PCDH15: variants seen among roughly 807,000 people sequenced by gnomAD.
PCDH15 encodes protocadherin related 15, also known as protocadherin-15.
PCDH15 carries 129 observed loss-of-function variants against 178.5 expected under a neutral mutation model. The ratio of observed to expected loss-of-function variants is 0.72; its 90% CI spans 0.63 to 0.84. PCDH15 has a LOEUF of 0.84. PCDH15 is among the 40% of genes least tolerant of loss of function. The pLI is 0.00. For missense variants in PCDH15, 2,230 were observed against 2,099.9 expected (o/e 1.06, Z -1.21); for synonymous variants, 800 against 732.0 (o/e 1.09, Z -1.50).
intron 2 of PCDH15, among the ~76,000 whole-genome samples, chr10:55,085,662 T>C (rs1165248862): frequency 6.7e-6 from 1 of 148,330 alleles, no homozygotes; most frequent in African/African-American, 2.5e-5. Flanking sequence ...TATTAAACTG[T>C]TTTTATGCCT....
chr10:54,566,942 G>C (rs2089139419), intron 2 of PCDH15, among the ~76,000 whole-genome samples: 1 of 152,098 alleles, frequency 6.6e-6, no homozygotes. Context: ...TCATTTTGCA[G>C]TCCCCAGCAA....
intron 25 of PCDH15, among the ~76,000 whole-genome samples, chr10:53,912,038 A>C (rs190923872): frequency 1.6e-3 from 237 of 152,334 alleles, no homozygotes; most frequent in African/African-American, 5.5e-3. Flanking sequence ...ATCGATGTGA[A>C]AATCTTCAAT....
intron 18 of PCDH15, among the ~76,000 whole-genome samples, chr10:54,048,527 T>C (rs2093701095): frequency 6.6e-6 from 1 of 152,200 alleles, no homozygotes; most frequent in South Asian, 2.1e-4. Flanking sequence ...ATTTTTATAG[T>C]TTTGCATCTT....
At chr10:55,545,380 AT>A (rs1179204071) in intron 2 of PCDH15, among the ~76,000 whole-genome samples, 2 of 151,572 alleles carry the variant, frequency 1.3e-5, no homozygotes, top group African/African-American at 4.8e-5. Flanking sequence ...GGTACAAGTG[AT>A]TCTCCTTCCT....
chr10:54,229,840 T>A (rs2053868440), intron 9 of PCDH15, among the ~76,000 whole-genome samples: 1 of 152,170 alleles, frequency 6.6e-6, no homozygotes, highest in Admixed American at 6.5e-5. Context: ...CACACAATCT[T>A]GCCTAAAGTT....
intron 2 of PCDH15, among the ~76,000 whole-genome samples, chr10:55,479,983 G>A (rs189630472): frequency 1.2e-3 from 183 of 151,250 alleles, no homozygotes; most frequent in African/African-American, 4.2e-3. Flanking sequence ...GGTTATTCAG[G>A]CTCTTTTTTG....
chr10:55,218,332 C>T lies in PCDH15; in HGVS notation c.-155-51681G>A, dbSNP rs184338400. On this transcript the variant is annotated intron_variant, in intron 1 of 5. Transcript: ENST00000458638. ...CATTGTATATTAAATACAGTAGCCA[C>T]GAGTTAACGAAATAATAGGAAGCAG... is the stretch of plus-strand genomic sequence containing the variant. Among the ~76,000 whole-genome samples the T allele has an allele frequency of 9.9e-5, 15 of 151,288 alleles. No individual in the cohort carries two copies. The East Asian group carries it at 1.6e-3, about 16-fold the overall frequency.
intron 2 of PCDH15, among the ~76,000 whole-genome samples, chr10:54,941,222 A>G (rs560699859): frequency 6.6e-6 from 1 of 152,094 alleles, no homozygotes; most frequent in Non-Finnish European, 1.5e-5. Flanking sequence ...CTTATTTTAA[A>G]CTACTTCACC....
intron 2 of PCDH15, among the ~76,000 whole-genome samples, chr10:55,565,252 TG>T (rs1842278794): frequency 6.6e-6 from 1 of 151,588 alleles, no homozygotes; most frequent in Non-Finnish European, 1.5e-5. Context: ...AATTACCAAT[TG>T]ATCAAAGAAG....
intron 13 of PCDH15, among the ~76,000 whole-genome samples, chr10:54,157,139 T>C (rs1435935789): frequency 1.3e-5 from 2 of 152,154 alleles, no homozygotes; most frequent in East Asian, 3.9e-4. Context: ...TGGAGGACAG[T>C]GGCACTCTTC....
chr10:54,857,125 G>T (rs556436359), intron 3 of PCDH15, among the ~76,000 whole-genome samples: 1 of 152,202 alleles, frequency 6.6e-6, no homozygotes, highest in Admixed American at 6.5e-5. Context: ...AATACTGTGG[G>T]TTTAGTGGAC....
intron 3 of PCDH15, among the ~76,000 whole-genome samples, chr10:54,878,821 T>C (rs1355278570): frequency 6.6e-6 from 1 of 151,968 alleles, no homozygotes; most frequent in Admixed American, 6.6e-5. Context: ...ATGCTCTCCC[T>C]CCCCCTACCC....
intron 1 of PCDH15, among the ~76,000 whole-genome samples, chr10:54,723,085 C>G: frequency 6.6e-6 from 1 of 151,328 alleles, no homozygotes; most frequent in East Asian, 1.9e-4. Context: ...CCCAAATAGC[C>G]AAAGCAATCC....
chr10:54,374,457 AATT>A (rs1948117670), intron 4 of PCDH15, among the ~76,000 whole-genome samples: 1 of 152,060 alleles, frequency 6.6e-6, no homozygotes, highest in Admixed American at 6.6e-5. Context: ...TTATTATTTT[AATT>A]ATTGATATTG....
chr10:55,421,488 A>T (rs984017331), intron 2 of PCDH15, among the ~76,000 whole-genome samples: 1 of 149,840 alleles, frequency 6.7e-6, no homozygotes, highest in South Asian at 2.1e-4. Flanking sequence ...TCATAGCTAA[A>T]AGAGAAAATC....
At chr10:54,550,335 T>C (rs1565572204) in intron 2 of PCDH15, among the ~76,000 whole-genome samples, 1 of 152,188 alleles carries the variant, frequency 6.6e-6, no homozygotes, top group Non-Finnish European at 1.5e-5. Flanking sequence ...AAAAATAGTA[T>C]TTGCAAATAT....
chr10:55,041,013 A>G (rs11004700), intron 2 of PCDH15, among the ~76,000 whole-genome samples: 11,563 of 152,108 alleles, frequency 0.076, 696 homozygotes, highest in African/African-American at 0.16. Context: ...AATTATTACA[A>G]GATAAATATT....
intron 2 of PCDH15, among the ~76,000 whole-genome samples, chr10:54,583,016 A>G (rs962385266): frequency 1.2e-4 from 15 of 125,346 alleles, no homozygotes; most frequent in African/African-American, 4.4e-4. Flanking sequence ...AATATCTTGC[A>G]TATATACAAT....
chr10:55,274,248 A>G (rs557655858), intron 1 of PCDH15, among the ~76,000 whole-genome samples: 17 of 152,202 alleles, frequency 1.1e-4, no homozygotes, highest in African/African-American at 3.6e-4. Flanking sequence ...GATTCCACAA[A>G]TACACCACAG....
Sources: allele counts gnomAD v4.1 joint callset (sites outside exome capture counted in the v4.1 genomes callset), GRCh38; gene constraint gnomAD v4.1.1; transcripts MANE v1.5; gene names NCBI Gene and HGNC (gene_info 2026-07-23, HGNC 2026-07-21).